The following METTL15 variants were observed in gnomAD, a reference collection of about 807,000 sequenced individuals.
The protein encoded by METTL15 is methyltransferase 15, mitochondrial 12S rRNA N4-cytidine, also known as 12S rRNA N(4)-cytidine methyltransferase METTL15.
Under a neutral mutation model 38.3 loss-of-function variants are expected in METTL15, and 34 were observed. The observed-to-expected ratio is 0.89, with a 90% CI of 0.68 to 1.18. The LOEUF (loss-of-function observed/expected upper bound fraction) is 1.18, where lower values mean the gene tolerates loss of function less well. METTL15 is among the 50% of genes most tolerant of loss of function. The probability of loss-of-function intolerance (pLI) is 0.00; values close to 1 mark genes in which losing one functional copy is unlikely to be tolerated. For synonymous variants in METTL15, 162 were observed against 170.9 expected (o/e 0.95, Z 0.41); for missense variants, 438 against 498.4 (o/e 0.88, Z 1.15).
chr11:28,491,556 G>C (rs1241305616), intron 6 of METTL15, among the ~76,000 whole-genome samples: 1 of 152,086 alleles, frequency 6.6e-6, no homozygotes, highest in African/African-American at 2.4e-5. Flanking sequence ...AGCACCAGCA[G>C]TTGCAAAAAT....
intron 6 of METTL15, among the ~76,000 whole-genome samples, chr11:28,441,059 CTTTT>C (rs35401554): frequency 7.1e-6 from 1 of 141,824 alleles, no homozygotes; most frequent in Non-Finnish European, 1.5e-5. Context: ...TATGACACTA[CTTTT>C]TTTTTTTTTT....
At chr11:28,213,853 C>T (rs1852749252) in intron 4 of METTL15, among the ~76,000 whole-genome samples, 1 of 151,650 alleles carries the variant, frequency 6.6e-6, no homozygotes, top group South Asian at 2.1e-4. Flanking sequence ...GACGGGGTTT[C>T]ACCGTGTTAG....
chr11:28,529,620 G>T (rs1851833260), downstream of METTL15, among the ~76,000 whole-genome samples: 1 of 107,128 alleles, frequency 9.3e-6, no homozygotes, highest in Non-Finnish European at 1.8e-5. Context: ...GGGGGCGGGG[G>T]TAGGAATATG....
At chr11:28,487,360 C>T (rs947227235) in intron 6 of METTL15, among the ~76,000 whole-genome samples, 1 of 152,090 alleles carries the variant, frequency 6.6e-6, no homozygotes, top group African/African-American at 2.4e-5. Context: ...AATATCTAGA[C>T]ATAAAGAATC....
chr11:28,127,571 ATTG>A (rs931011347), intron 3 of METTL15, among the ~76,000 whole-genome samples: 6 of 152,214 alleles, frequency 3.9e-5, no homozygotes, highest in African/African-American at 1.4e-4. Flanking sequence ...TTTCCTTGCT[ATTG>A]TTAATCATAT....
chr11:28,309,108 A>C (rs559666663), intron 6 of METTL15, among the ~76,000 whole-genome samples: 1 of 152,136 alleles, frequency 6.6e-6, no homozygotes, highest in Non-Finnish European at 1.5e-5. Flanking sequence ...CCGAAATTTC[A>C]TGTCAATACT....
intron 4 of METTL15, among the ~76,000 whole-genome samples, chr11:28,214,234 A>G (rs759893373): frequency 4.1e-4 from 62 of 151,672 alleles, no homozygotes; most frequent in Non-Finnish European, 7.1e-4. Context: ...AGGTCTCTCT[A>G]TGTTGCCCAG....
Position 28,470,347 on chromosome 11 carries a change from T to C in METTL15, c.*424+45983T>C, listed in dbSNP as rs1384141809. Among the ~76,000 whole-genome samples, 6 of 152,138 alleles carry C rather than the reference T, an allele frequency of 3.9e-5. No individual in the cohort carries two copies. In the South Asian group the frequency reaches 1.2e-3, roughly 31 times the overall value. On this transcript the variant is annotated intron_variant and NMD_transcript_variant, in intron 6 of 7. Transcript: ENST00000532947. ...AATAAAGACTATATTTACCTGACCC[T>C]CTTGTGGCCAGGTGTGGTAAAGTGA...
chr11:28,123,875 CTG>C lies in METTL15; in HGVS notation c.270+10274_270+10275del, dbSNP rs530159706. 2.3e-3 allele frequency: 3,468 copies of C among 1,476,168 alleles called. 10 individuals are homozygous for C. The highest frequency in any genetic ancestry group is 4.3e-3 in the South Asian group (319 of 73,644). The allele number at this position is 1,476,168 out of a possible 1,614,324, so 91.4% of individuals were successfully genotyped here. On this transcript the variant is annotated intron_variant, in intron 3 of 6. Transcript: ENST00000407364. The stretch of plus-strand genomic sequence containing the variant: ...CTTTCTGGCAAGCAAAAGAAGTAAA[CTG>C]TGGATATTTAATATATTCATAAAGA...
At chr11:28,400,465 C>A (rs1378122040) in intron 5 of METTL15, among the ~76,000 whole-genome samples, 2 of 151,874 alleles carry the variant, frequency 1.3e-5, no homozygotes, top group African/African-American at 2.4e-5. Context: ...AGCTGGCTTC[C>A]CCTAATTAGT....
chr11:28,287,778 A>T (rs1169488986), intron 4 of METTL15, among the ~76,000 whole-genome samples: 4 of 152,116 alleles, frequency 2.6e-5, no homozygotes, highest in African/African-American at 7.2e-5. Context: ...TATCAAGGGG[A>T]TCAGGCATAA....
In METTL15 at chr11:28,499,433, G is replaced by C. The variant is rs183412563; in HGVS notation, c.*425-27045G>C. Among the ~76,000 whole-genome samples, 338 of 152,190 alleles carry C rather than the reference G, an allele frequency of 2.2e-3. 2 individuals are homozygous for C. Among genetic ancestry groups the C allele is most frequent in the African/African-American group, 7.6e-3 (314 of 41,526 alleles). On this transcript the variant is annotated intron_variant and NMD_transcript_variant, in intron 6 of 7. Transcript: ENST00000532947. ...GTTTCTAACCTAAATAAATATATTA[G>C]ATATGCTTAAGAAACAGCTACAAAA...
At chr11:28,256,511 C>A (rs1030400490) in intron 4 of METTL15, among the ~76,000 whole-genome samples, 1 of 152,124 alleles carries the variant, frequency 6.6e-6, no homozygotes, top group African/African-American at 2.4e-5. Context: ...ATAGTAGTCA[C>A]TAATGATGCT....
At chr11:28,295,880 C>A (rs1856715081) in intron 5 of METTL15, among the ~76,000 whole-genome samples, 1 of 152,064 alleles carries the variant, frequency 6.6e-6, no homozygotes, top group Admixed American at 6.6e-5. Flanking sequence ...AACAATCAAT[C>A]CAGCATATTA....
intron 3 of METTL15, among the ~76,000 whole-genome samples, chr11:28,180,293 G>C (rs1399876704): frequency 6.6e-6 from 1 of 151,746 alleles, no homozygotes; most frequent in African/African-American, 2.4e-5. Flanking sequence ...TTTTCTCTCT[G>C]ATATCACTGC....
chr11:28,305,479 T>C (rs1217790124), intron 6 of METTL15, among the ~76,000 whole-genome samples: 1 of 152,146 alleles, frequency 6.6e-6, no homozygotes, highest in African/African-American at 2.4e-5. Context: ...CCCCATGTTA[T>C]GGATGAGGTA....
rs773193719 is a variant in METTL15, at chr11:28,294,289, G to A, written c.600-2464G>A. Among the ~76,000 whole-genome samples, 5 of 152,242 alleles carry A rather than the reference G, an allele frequency of 3.3e-5. No homozygotes were observed. The South Asian group carries it at 8.3e-4, about 25-fold the overall frequency. On this transcript the variant is annotated intron_variant, in intron 5 of 6. Coordinates refer to ENST00000407364, the MANE Select transcript of METTL15 (RefSeq NM_001113528.2). ...AATTCATTGAAAAAGAAAAGTCATA[G>A]ATTCAAACATGTGCAATGCTAATCC...
chr11:28,281,020 T>G (rs1436961381), intron 4 of METTL15, among the ~76,000 whole-genome samples: 1 of 152,198 alleles, frequency 6.6e-6, no homozygotes, highest in Non-Finnish European at 1.5e-5. Flanking sequence ...TTGGTATGTG[T>G]TCTTATCCTT....
chr11:28,346,964 A>G (rs1850001449), intron 3 of METTL15, among the ~76,000 whole-genome samples: 1 of 152,238 alleles, frequency 6.6e-6, no homozygotes, highest in African/African-American at 2.4e-5. Context: ...TACTAACCAC[A>G]GATTGACAAA....
Sources: gnomAD v4.1 joint callset for allele counts (sites outside exome capture counted in the v4.1 genomes callset) on GRCh38, gnomAD v4.1.1 for gene constraint, MANE v1.5 for transcripts, NCBI Gene and HGNC (gene_info 2026-07-23, HGNC 2026-07-21) for gene names.